MGAT4A: variants seen among roughly 807,000 people sequenced by gnomAD.
MGAT4A encodes the protein alpha-1,3-mannosyl-glycoprotein 4-beta-N-acetylglucosaminyltransferase A.
MGAT4A carries 33 observed loss-of-function variants against 74.1 expected under a neutral mutation model. That is an observed-to-expected ratio of 0.45 (90% CI 0.34 to 0.60). The LOEUF (loss-of-function observed/expected upper bound fraction) is 0.60, where lower values mean the gene tolerates loss of function less well. Among genes scored for constraint, MGAT4A ranks in the 20% least tolerant of loss-of-function variants. The pLI, the probability that MGAT4A is intolerant of heterozygous loss-of-function variation, is 0.02. For missense variants in MGAT4A, 479 were observed against 628.3 expected, an observed-to-expected ratio of 0.76 and a Z score of 2.54; for synonymous variants, 198 against 210.4, an observed-to-expected ratio of 0.94 and a Z score of 0.51.
chr2:98,652,643 T>A (rs1368114510), intron 8 of MGAT4A, among the ~76,000 whole-genome samples: 1 of 150,986 alleles, frequency 6.6e-6, no homozygotes, highest in African/African-American at 2.4e-5. Flanking sequence ...CAATTTTTTT[T>A]AAGACAGGTT....
At position 98,623,270 on chromosome 2, in the gene MGAT4A, C is replaced by T. The variant is rs964375503; in HGVS notation, c.*2296G>A. ...GCTGGGAGGGCAAACTGCATGAAAA[C>T]AGGAAAAAGCTAGCCAGGCAGGCTG... On this transcript the variant is annotated 3_prime_UTR_variant, in exon 16 of 16. Transcript: ENST00000393487. The T allele has an allele frequency of 5.1e-6, 5 of 985,418 alleles. No individual in the cohort carries two copies. Among genetic ancestry groups the T allele is most frequent in the Non-Finnish European group, 6.0e-6 (5 of 829,944 alleles). The allele number at this position is 985,418 out of a possible 1,614,324, so 61.0% of individuals were successfully genotyped here.
At chr2:98,656,223 T>C (rs1040416563) in intron 7 of MGAT4A, 129 bp downstream of exon 7, 4 of 721,432 alleles carry the variant, frequency 5.5e-6, no homozygotes. Flanking sequence ...GTCCTGGACT[T>C]AATGAGACTT....
chr2:98,645,596 A>C, intron 8 of MGAT4A, 54 bp from the exon 9 acceptor site: 1 of 1,269,546 alleles, frequency 7.9e-7, no homozygotes, highest in Non-Finnish European at 1.1e-6. Context: ...AGGTATTGAG[A>C]GAAGGATATT....
At chr2:98,630,874 A>G (rs541424392) in intron 14 of MGAT4A, among the ~76,000 whole-genome samples, 4 of 152,322 alleles carry the variant, frequency 2.6e-5, no homozygotes, top group African/African-American at 9.6e-5. Context: ...TGACTTTTCA[A>G]ACTACAAACT....
At chr2:98,677,608 A>T (rs889380325) in intron 3 of MGAT4A, among the ~76,000 whole-genome samples, 2 of 151,920 alleles carry the variant, frequency 1.3e-5, no homozygotes, top group African/African-American at 4.8e-5. Flanking sequence ...GCACACCAAC[A>T]TGCCCGGCTA....
intron 14 of MGAT4A, among the ~76,000 whole-genome samples, chr2:98,629,076 A>G (rs1007102967): frequency 6.6e-6 from 1 of 152,232 alleles, no homozygotes; most frequent in African/African-American, 2.4e-5. Context: ...AGCCATTTAA[A>G]AACAAAAAAA....
intron 3 of MGAT4A, among the ~76,000 whole-genome samples, chr2:98,677,321 C>T (rs948072776): frequency 6.6e-6 from 1 of 152,242 alleles, no homozygotes; most frequent in Non-Finnish European, 1.5e-5. Flanking sequence ...CATCTGAAGT[C>T]CACACATAAG....
Position 98,622,524 on chromosome 2 carries a change from C to T in MGAT4A, c.*3042G>A, listed in dbSNP as rs530008990. ...GCGCCCTCTCAAGGCAAAGTATTTA[C>T]CTTCTTCCAGTTCCAGGGACTCTTC... On this transcript the variant is annotated 3_prime_UTR_variant, in exon 16 of 16. Transcript: ENST00000393487. 69 of 985,456 alleles carry T rather than the reference C, an allele frequency of 7.0e-5. No homozygotes were observed. In the African/African-American group the frequency reaches 1.2e-3, roughly 16 times the overall value. 61.0% of individuals were successfully genotyped at this position (985,456 alleles called of 1,614,324 possible).
chr2:98,629,936 T>C (rs763637997), intron 14 of MGAT4A, among the ~76,000 whole-genome samples: 4 of 151,990 alleles, frequency 2.6e-5, no homozygotes, highest in Admixed American at 1.3e-4. Flanking sequence ...TCCCAGCTAA[T>C]TGGGAGGCTG....
intron 2 of MGAT4A, among the ~76,000 whole-genome samples, chr2:98,720,496 C>T (rs1270854406): frequency 1.3e-5 from 2 of 152,228 alleles, no homozygotes; most frequent in Non-Finnish European, 2.9e-5. Flanking sequence ...TGGACTGAGA[C>T]TGAATTACAC....
intron 8 of MGAT4A, among the ~76,000 whole-genome samples, chr2:98,654,396 C>T (rs944678101): frequency 1.3e-5 from 2 of 151,970 alleles, no homozygotes; most frequent in African/African-American, 4.8e-5. Flanking sequence ...ATGAAATAAT[C>T]TTATATGTAG....
intron 2 of MGAT4A, among the ~76,000 whole-genome samples, chr2:98,699,533 C>T (rs1372358528): frequency 6.6e-6 from 1 of 151,878 alleles, no homozygotes; most frequent in Admixed American, 6.6e-5. Flanking sequence ...AATGCCATTG[C>T]CTTACAGAAT....
chr2:98,719,415 C>T lies in MGAT4A; in HGVS notation c.94+6824G>A, dbSNP rs1267948589. Among the ~76,000 whole-genome samples, 5 of 152,110 alleles carry T rather than the reference C, an allele frequency of 3.3e-5. No individual in the cohort carries two copies. The South Asian group carries it at 8.3e-4, about 25-fold the overall frequency. Reference sequence around the variant, plus strand: ...GTGGGCAAACCAAGAGCTGAAGCTGCGGCCAGCCACTAAACAAATAAACCA... The same window carrying T: ...GTGGGCAAACCAAGAGCTGAAGCTGTGGCCAGCCACTAAACAAATAAACCA... On this transcript the variant is annotated intron_variant, in intron 2 of 15. Transcript: ENST00000393487.
At chr2:98,643,575 AAG>A (rs1169743869) in intron 10 of MGAT4A, among the ~76,000 whole-genome samples, 2 of 152,220 alleles carry the variant, frequency 1.3e-5, no homozygotes, top group Non-Finnish European at 2.9e-5. Flanking sequence ...TACAAGGAAA[AAG>A]AGAGTGAACA....
At chr2:98,706,917 T>G (rs933202288) in intron 2 of MGAT4A, among the ~76,000 whole-genome samples, 56 of 144,914 alleles carry the variant, frequency 3.9e-4, no homozygotes, top group African/African-American at 1.3e-3. Context: ...AGACTAGAAG[T>G]AAATATGAAA....
chr2:98,685,350 A>G (rs562559316), intron 2 of MGAT4A, among the ~76,000 whole-genome samples: 1 of 152,194 alleles, frequency 6.6e-6, no homozygotes, highest in South Asian at 2.1e-4. Flanking sequence ...GAAGGTTTTT[A>G]GTAAGATTCC....
At chr2:98,626,374 C>T (rs1457330228) in intron 14 of MGAT4A, among the ~76,000 whole-genome samples, 1 of 152,128 alleles carries the variant, frequency 6.6e-6, no homozygotes, top group African/African-American at 2.4e-5. Context: ...ACTATAATGA[C>T]AAGCTAAAAC....
intron 2 of MGAT4A, among the ~76,000 whole-genome samples, chr2:98,721,050 T>C (rs1702662649): frequency 2.0e-5 from 3 of 151,882 alleles, no homozygotes; most frequent in Admixed American, 2.0e-4. Context: ...AAGAGAAAAA[T>C]GACATTACTT....
intron 6 of MGAT4A, 55 bp from the exon 7 acceptor site, chr2:98,656,520 T>A: frequency 1.7e-6 from 2 of 1,157,222 alleles, no homozygotes; most frequent in Non-Finnish European, 2.6e-6. Flanking sequence ...TTATTTATCT[T>A]AAAGCTCAAT....
Sources: gnomAD v4.1 joint callset for allele counts (sites outside exome capture counted in the v4.1 genomes callset) on GRCh38, gnomAD v4.1.1 for gene constraint, MANE v1.5 for transcripts, NCBI Gene and HGNC (gene_info 2026-07-23, HGNC 2026-07-21) for gene names.